The following ETFA variants were observed in gnomAD, a reference collection of about 807,000 sequenced individuals.
ETFA encodes electron transfer flavoprotein subunit alpha, also known as electron transfer flavoprotein subunit alpha, mitochondrial.
A neutral mutation model predicts 46.2 loss-of-function variants in ETFA; 22 were observed. That is an observed-to-expected ratio of 0.48 (90% CI 0.34 to 0.68). The LOEUF (loss-of-function observed/expected upper bound fraction) is 0.68, where lower values mean the gene tolerates loss of function less well. Ranked by LOEUF, ETFA falls within the 30% of genes least tolerant of loss-of-function variation. The probability of loss-of-function intolerance (pLI) is 0.01; values close to 1 mark genes in which losing one functional copy is unlikely to be tolerated. For missense variants in ETFA, 345 were observed against 401.1 expected, an observed-to-expected ratio of 0.86 and a Z score of 1.19; for synonymous variants, 131 against 139.9, an observed-to-expected ratio of 0.94 and a Z score of 0.45.
At chr15:76,293,386 G>GA (rs1449513147) in intron 2 of ETFA, among the ~76,000 whole-genome samples, 2 of 152,202 alleles carry the variant, frequency 1.3e-5, no homozygotes, top group African/African-American at 2.4e-5. Flanking sequence ...TGGAAATGGT[G>GA]AAAATGAAGT....
intron 9 of ETFA, among the ~76,000 whole-genome samples, chr15:76,248,883 T>C (rs75327822): frequency 7.6e-6 from 1 of 131,426 alleles, no homozygotes. Flanking sequence ...TCTCAAAAAA[T>C]AAAAAAAAAA....
intron 9 of ETFA, among the ~76,000 whole-genome samples, chr15:76,241,672 G>T (rs1430240443): frequency 6.7e-6 from 1 of 149,728 alleles, no homozygotes; most frequent in Non-Finnish European, 1.5e-5. Flanking sequence ...TGGGGGGCGG[G>T]CCCCTGTAAG....
intron 9 of ETFA, among the ~76,000 whole-genome samples, chr15:76,234,722 G>A (rs957135066): frequency 2.8e-4 from 43 of 152,224 alleles, no homozygotes; most frequent in African/African-American, 9.9e-4. Flanking sequence ...TGATCACTCT[G>A]TGATGCCAAG....
At chr15:76,232,894 GC>G (rs889650498) in intron 9 of ETFA, among the ~76,000 whole-genome samples, 2 of 152,136 alleles carry the variant, frequency 1.3e-5, no homozygotes, top group African/African-American at 2.4e-5. Context: ...CAACTGTCTA[GC>G]CCCCTGCAGT....
At chr15:76,271,880 T>C (rs1344391241) in intron 9 of ETFA, among the ~76,000 whole-genome samples, 1 of 148,514 alleles carries the variant, frequency 6.7e-6, no homozygotes. Context: ...TGTATATATG[T>C]ATATGCACAT....
In ETFA at chr15:76,216,160, G is replaced by A; in HGVS notation, c.*399C>T. Reference sequence around the variant, plus strand: ...TGAGATTAGTAGGTTGATTAGGCTGGTGGAGACAATCATGTTTACAATCTT... The same window carrying A: ...TGAGATTAGTAGGTTGATTAGGCTGATGGAGACAATCATGTTTACAATCTT... On this transcript the variant is annotated 3_prime_UTR_variant, in exon 12 of 12. Coordinates refer to ENST00000557943, the MANE Select transcript of ETFA (RefSeq NM_000126.4). 1 of 184,630 alleles carries A rather than the reference G, an allele frequency of 5.4e-6. No individual in the cohort carries two copies. The highest frequency in any genetic ancestry group is 1.1e-5 in the Non-Finnish European group (1 of 89,648). The allele number at this position is 184,630 out of a possible 1,614,324, so 11.4% of individuals were successfully genotyped here.
At chr15:76,290,331 C>T (rs562833255) in intron 4 of ETFA, among the ~76,000 whole-genome samples, 6 of 68,530 alleles carry the variant, frequency 8.8e-5, no homozygotes, top group Non-Finnish European at 2.1e-4. Flanking sequence ...AAAGTCGCTA[C>T]TCTTTTTTTT....
At chr15:76,246,465 T>C (rs929133911) in intron 9 of ETFA, among the ~76,000 whole-genome samples, 3 of 152,200 alleles carry the variant, frequency 2.0e-5, no homozygotes, top group African/African-American at 7.2e-5. Context: ...AATGGAGTAA[T>C]TTCCTTGAAA....
chr15:76,234,608 A>G (rs539496261), intron 9 of ETFA, among the ~76,000 whole-genome samples: 5 of 152,184 alleles, frequency 3.3e-5, no homozygotes, highest in African/African-American at 1.2e-4. Context: ...AAACAGAAAG[A>G]AGGAGGGAGA....
chr15:76,216,662 G>A lies in ETFA; in HGVS notation c.964-65C>T, dbSNP rs981435358. 18 of 1,063,200 alleles carry A rather than the reference G, an allele frequency of 1.7e-5. No homozygotes were observed. In the Middle Eastern group the frequency reaches 9.9e-4, roughly 59 times the overall value. 65.9% of individuals were successfully genotyped at this position (1,063,200 alleles called of 1,614,324 possible). ...TTCACTGTGATATGGTCACAGCTCCGTAAGCATTACAGGGAGGCCAAAAGA... is the reference window on the plus strand; with the variant it reads ...TTCACTGTGATATGGTCACAGCTCCATAAGCATTACAGGGAGGCCAAAAGA... On this transcript the variant is annotated intron_variant, in intron 11 of 11. Transcript: ENST00000557943.
At position 76,295,936 on chromosome 15, in the gene ETFA, C is replaced by CCTTTTTTTTTTTTTTTTTTTTTT. The variant is rs2039816100; in HGVS notation, c.40-200_40-199insAAAAAAAAAAAAAAAAAAAAAAG. 1.1e-4 allele frequency among the ~76,000 whole-genome samples: 5 copies of CCTTTTTTTTTTTTTTTTTTTTTT among 46,602 alleles called. 1 individual carries two copies. Among genetic ancestry groups the CCTTTTTTTTTTTTTTTTTTTTTT allele is most frequent in the Admixed American group, 8.1e-4 (2 of 2,472 alleles). 30.6% of individuals were successfully genotyped at this position (46,602 alleles called of 152,430 possible). A position where few individuals can be genotyped will look rare whatever the true frequency, so the allele number is the denominator to read the frequency against. On this transcript the variant is annotated intron_variant, in intron 1 of 11. Coordinates refer to ENST00000557943, the MANE Select transcript of ETFA (RefSeq NM_000126.4). ...TGTCTATCACTGTACCACTAATATT[C>CCTTTTTTTTTTTTTTTTTTTTTT]TTTTTTTTTTTTTTTTTTTTTTTGA...
chr15:76,310,380 A>G (rs1776356172), intron 1 of ETFA, among the ~76,000 whole-genome samples: 1 of 150,654 alleles, frequency 6.6e-6, no homozygotes, highest in Admixed American at 6.6e-5. Context: ...AAAAAAAAAA[A>G]AAAAAAAAAA....
At chr15:76,284,470 CAAAATT>C (rs1282482949) in intron 7 of ETFA, 1 of 208,292 alleles carries the variant, frequency 4.8e-6, no homozygotes, top group Non-Finnish European at 9.4e-6. Context: ...ACTAAAAATA[CAAAATT>C]ATTATTTTTA....
chr15:76,261,063 C>A (rs978536933), intron 9 of ETFA: 2 of 1,555,748 alleles, frequency 1.3e-6, no homozygotes, highest in Admixed American at 1.7e-5. Flanking sequence ...AGTGGCTATG[C>A]GAGAAGAGGC....
intron 9 of ETFA, among the ~76,000 whole-genome samples, chr15:76,266,333 G>A (rs887213667): frequency 6.6e-6 from 1 of 152,180 alleles, no homozygotes; most frequent in African/African-American, 2.4e-5. Context: ...TCATTGGAAA[G>A]TACTGCCACA....
chr15:76,218,390 C>T (rs1358004348), intron 11 of ETFA, among the ~76,000 whole-genome samples: 1 of 152,172 alleles, frequency 6.6e-6, no homozygotes, highest in African/African-American at 2.4e-5. Context: ...GCCTCAGCCT[C>T]CCAAGTAGCT....
At chr15:76,265,997 C>T (rs2039466779) in intron 9 of ETFA, among the ~76,000 whole-genome samples, 2 of 152,164 alleles carry the variant, frequency 1.3e-5, no homozygotes, top group African/African-American at 4.8e-5. Context: ...AAACTGGAAG[C>T]TTTAAAATAA....
At position 76,225,018 on chromosome 15, in the gene ETFA, T is replaced by C. The variant is rs532617794; in HGVS notation, c.963+831A>G. On this transcript the variant is annotated intron_variant, in intron 11 of 11. Coordinates refer to ENST00000557943, the MANE Select transcript of ETFA (RefSeq NM_000126.4). ...AAGAGTGTGAGGAGTGAGAAATAAG[T>C]GCTCTCCCTACACTCGTCAGCTAAG... 1.2e-4 allele frequency among the ~76,000 whole-genome samples: 19 copies of C among 152,012 alleles called. No homozygotes were observed. The South Asian group carries it at 3.9e-3, about 32-fold the overall frequency.
At chr15:76,291,677 G>T (rs936009496) in intron 4 of ETFA, among the ~76,000 whole-genome samples, 1 of 151,856 alleles carries the variant, frequency 6.6e-6, no homozygotes, top group Non-Finnish European at 1.5e-5. Context: ...GTGAACCCCG[G>T]GGGGCGGAGC....
Sources: gnomAD v4.1 joint callset for allele counts (sites outside exome capture counted in the v4.1 genomes callset) on GRCh38, gnomAD v4.1.1 for gene constraint, MANE v1.5 for transcripts, NCBI Gene and HGNC (gene_info 2026-07-23, HGNC 2026-07-21) for gene names.